The following TENM3 variants were observed in gnomAD, a reference collection of about 807,000 sequenced individuals.
The protein encoded by TENM3 is teneurin-3.
Under a neutral mutation model 255.1 loss-of-function variants are expected in TENM3, and 63 were observed. The observed-to-expected ratio is 0.25, with a 90% confidence interval of 0.20 to 0.30. TENM3 has a LOEUF of 0.30. Ranked by LOEUF, TENM3 falls within the 10% of genes least tolerant of loss-of-function variation. TENM3 has a pLI of 1.00. For missense variants in TENM3, 2,929 were observed against 3,461.1 expected, an observed-to-expected ratio of 0.85 and a Z score of 3.86; for synonymous variants, 1,306 against 1,322.3, an observed-to-expected ratio of 0.99 and a Z score of 0.27.
chr4:182,727,165 C>A (rs190621070), intron 13 of TENM3, among the ~76,000 whole-genome samples: 1 of 151,984 alleles, frequency 6.6e-6, no homozygotes. Context: ...GATAAAAATT[C>A]ATGTTTTCAG....
chr4:182,066,898 G>A, the TENM3 span, among the ~76,000 whole-genome samples: 392 of 152,244 alleles, frequency 2.6e-3, 1 homozygote, highest in Middle Eastern at 0.014. Context: ...GCGACAGAGC[G>A]AGACTCCATC....
intron 16 of TENM3, among the ~76,000 whole-genome samples, chr4:182,733,415 G>T (rs1036593808): frequency 6.6e-5 from 10 of 150,958 alleles, no homozygotes; most frequent in Non-Finnish European, 8.9e-5. Context: ...TCTATGCTGA[G>T]AATATCCTAT....
chr4:182,331,965 G>C (rs965928123), intron 2 of TENM3, among the ~76,000 whole-genome samples: 1 of 152,058 alleles, frequency 6.6e-6, no homozygotes, highest in African/African-American at 2.4e-5. Flanking sequence ...AAATAAGACA[G>C]CAATTACATA....
the TENM3 span, among the ~76,000 whole-genome samples, chr4:181,450,749 A>G: frequency 2.0e-5 from 3 of 152,314 alleles, no homozygotes; most frequent in African/African-American, 7.2e-5. Context: ...TTAAACCTAC[A>G]TGCGCGATTC....
chr4:181,761,769 A>G, the TENM3 span, among the ~76,000 whole-genome samples: 1 of 152,152 alleles, frequency 6.6e-6, no homozygotes, highest in Non-Finnish European at 1.5e-5. Context: ...ACATATTCAG[A>G]CTTAGGGCAA....
At chr4:182,366,241 T>C (rs1316511264) in intron 3 of TENM3, among the ~76,000 whole-genome samples, 1 of 152,052 alleles carries the variant, frequency 6.6e-6, no homozygotes, top group African/African-American at 2.4e-5. Flanking sequence ...AAGGATTTTT[T>C]TTACAAACTT....
the TENM3 span, chr4:181,877,210 A>C: frequency 6.6e-6 from 1 of 152,142 alleles, no homozygotes; most frequent in East Asian, 1.9e-4. Context: ...TTCTTCCTGT[A>C]AGACTTTATG....
intron 27 of TENM3, among the ~76,000 whole-genome samples, chr4:182,797,095 A>G (rs1766546859): frequency 6.6e-6 from 1 of 152,220 alleles, no homozygotes; most frequent in Non-Finnish European, 1.5e-5. Context: ...AACTCATATT[A>G]CAAATTAGCA....
At chr4:181,774,014 T>G in the TENM3 span, among the ~76,000 whole-genome samples, 20 of 141,572 alleles carry the variant, frequency 1.4e-4, 1 homozygote, top group Admixed American at 8.4e-4. Flanking sequence ...TTTTTTTTTT[T>G]TTTTTTTTTT....
the TENM3 span, among the ~76,000 whole-genome samples, chr4:182,030,515 C>T: frequency 6.6e-6 from 1 of 152,084 alleles, no homozygotes; most frequent in Non-Finnish European, 1.5e-5. Flanking sequence ...CATGTTTTTG[C>T]TATTGGGAAA....
chr4:181,813,149 T>C, the TENM3 span, among the ~76,000 whole-genome samples: 1 of 152,182 alleles, frequency 6.6e-6, no homozygotes, highest in Non-Finnish European at 1.5e-5. Context: ...TGCTTCCTCA[T>C]TGACATCTCA....
intron 1 of TENM3, among the ~76,000 whole-genome samples, chr4:182,193,999 G>A (rs148270065): frequency 2.2e-3 from 342 of 152,216 alleles, no homozygotes; most frequent in Admixed American, 7.1e-3. Flanking sequence ...CATGGCCTAC[G>A]TTAAAAAGCT....
chr4:182,108,167 T>C, the TENM3 span, among the ~76,000 whole-genome samples: 1 of 152,170 alleles, frequency 6.6e-6, no homozygotes, highest in Non-Finnish European at 1.5e-5. Flanking sequence ...CGTACCCTGC[T>C]ACTATTCCCA....
At chr4:181,728,452 G>C in the TENM3 span, among the ~76,000 whole-genome samples, 1 of 152,180 alleles carries the variant, frequency 6.6e-6, no homozygotes, top group Non-Finnish European at 1.5e-5. Context: ...TTATTCATGA[G>C]TTTTCTGGGA....
chr4:182,033,131 T>G, the TENM3 span, among the ~76,000 whole-genome samples: 1 of 152,152 alleles, frequency 6.6e-6, no homozygotes, highest in Non-Finnish European at 1.5e-5. Flanking sequence ...TTAGTTTTGA[T>G]GTTTGGATGT....
intron 3 of TENM3, among the ~76,000 whole-genome samples, chr4:182,415,036 T>G (rs1009596991): frequency 2.6e-5 from 4 of 152,262 alleles, no homozygotes; most frequent in Admixed American, 6.5e-5. Flanking sequence ...ATTTTCCACC[T>G]TGAACACTAA....
intron 1 of TENM3, among the ~76,000 whole-genome samples, chr4:182,256,550 G>T (rs1758412224): frequency 6.6e-6 from 1 of 152,142 alleles, no homozygotes; most frequent in Admixed American, 6.6e-5. Context: ...CAAAATATGT[G>T]TATATAGTCC....
the TENM3 span, among the ~76,000 whole-genome samples, chr4:182,089,560 G>A: frequency 6.6e-6 from 1 of 152,054 alleles, no homozygotes. Context: ...TACCTAGTGA[G>A]GATTTATTGA....
chr4:181,991,350 G>A, the TENM3 span, among the ~76,000 whole-genome samples: 2 of 152,094 alleles, frequency 1.3e-5, no homozygotes, highest in African/African-American at 4.8e-5. Flanking sequence ...ATATGGATTC[G>A]CACTAGCTTG....
Sources: allele counts gnomAD v4.1 joint callset (sites outside exome capture counted in the v4.1 genomes callset), GRCh38; gene constraint gnomAD v4.1.1; transcripts MANE v1.5; gene names NCBI Gene and HGNC (gene_info 2026-07-23, HGNC 2026-07-21).